Variants in AFG1L observed in about 807,000 individuals in gnomAD.
AFG1L encodes AFG1 like ATPase.
In AFG1L, 53 loss-of-function variants were observed where a neutral mutation model predicts 62.2. The observed-to-expected ratio is 0.85, with a 90% CI of 0.68 to 1.07. The LOEUF (loss-of-function observed/expected upper bound fraction) is 1.07. AFG1L is among the 50% of genes least tolerant of loss of function. The pLI is 0.00. For missense variants in AFG1L, 555 were observed against 590.5 expected, an observed-to-expected ratio of 0.94 and a Z score of 0.62; for synonymous variants, 228 against 210.3, an observed-to-expected ratio of 1.08 and a Z score of -0.73.
chr6:108,449,084 G>T (rs1299322431), intron 8 of AFG1L, among the ~76,000 whole-genome samples: 1 of 151,638 alleles, frequency 6.6e-6, no homozygotes, highest in Non-Finnish European at 1.5e-5. Context: ...GGAGGTGGAG[G>T]CTGCAGTAAG....
At chr6:108,358,697 A>G (rs1446147586) in intron 5 of AFG1L, among the ~76,000 whole-genome samples, 1 of 152,000 alleles carries the variant, frequency 6.6e-6, no homozygotes, top group Non-Finnish European at 1.5e-5. Context: ...ATGCCCAGCT[A>G]ATTTTTTTGT....
intron 3 of AFG1L, among the ~76,000 whole-genome samples, chr6:108,351,900 A>G (rs1435508503): frequency 6.6e-6 from 1 of 152,224 alleles, no homozygotes; most frequent in Non-Finnish European, 1.5e-5. Context: ...GTCTTTTACC[A>G]ATAAGCATAT....
intron 10 of AFG1L, among the ~76,000 whole-genome samples, chr6:108,497,982 A>G (rs564766588): frequency 6.6e-6 from 1 of 152,176 alleles, no homozygotes; most frequent in African/African-American, 2.4e-5. Flanking sequence ...TTGGGTTCAT[A>G]TGTGCATCTG....
intron 1 of AFG1L, among the ~76,000 whole-genome samples, chr6:108,316,305 C>T (rs1452415017): frequency 4.9e-5 from 6 of 123,030 alleles, no homozygotes; most frequent in Admixed American, 9.5e-5. Flanking sequence ...GGCGTGAACC[C>T]GGGAGGCGGA....
At chr6:108,359,605 C>T (rs777951504) in intron 5 of AFG1L, 1 of 152,232 alleles carries the variant, frequency 6.6e-6, no homozygotes, top group African/African-American at 2.4e-5. Flanking sequence ...CTAAATGGAC[C>T]ATGCCTGGAC....
chr6:108,512,593 T>C (rs1313691567), intron 11 of AFG1L, among the ~76,000 whole-genome samples: 1 of 152,092 alleles, frequency 6.6e-6, no homozygotes, highest in East Asian at 1.9e-4. Flanking sequence ...GGATGGCTCA[T>C]AGTGGAGGAT....
intron 6 of AFG1L, among the ~76,000 whole-genome samples, chr6:108,383,980 T>C (rs535224295): frequency 6.8e-6 from 1 of 147,978 alleles, no homozygotes; most frequent in Admixed American, 6.9e-5. Context: ...TGTAAGGCCA[T>C]AGCCAAATGA....
chr6:108,516,833 T>C (rs576599684), intron 11 of AFG1L, among the ~76,000 whole-genome samples: 1 of 152,176 alleles, frequency 6.6e-6, no homozygotes, highest in Admixed American at 6.5e-5. Flanking sequence ...TGTGCAAAAA[T>C]GACAAGCATT....
At chr6:108,418,825 T>G (rs2114682323) in intron 7 of AFG1L, among the ~76,000 whole-genome samples, 1 of 152,336 alleles carries the variant, frequency 6.6e-6, no homozygotes, top group East Asian at 1.9e-4. Flanking sequence ...AAACATTATT[T>G]AAAATTAGTG....
chr6:108,476,399 T>C (rs564321254), intron 8 of AFG1L, among the ~76,000 whole-genome samples: 2 of 152,348 alleles, frequency 1.3e-5, no homozygotes, highest in South Asian at 4.1e-4. Context: ...GTAATTTAAT[T>C]CTGGAGGTTT....
At chr6:108,380,335 T>A (rs1780444686) in intron 6 of AFG1L, among the ~76,000 whole-genome samples, 1 of 152,086 alleles carries the variant, frequency 6.6e-6, no homozygotes, top group Non-Finnish European at 1.5e-5. Context: ...TCCAAATGCC[T>A]GGATTTCTGC....
At chr6:108,366,474 G>A in intron 6 of AFG1L, 142 bp downstream of exon 6, 1 of 486,724 alleles carries the variant, frequency 2.1e-6, no homozygotes, top group East Asian at 3.1e-5. Flanking sequence ...GGCTTAATCT[G>A]AAAAATCAGT....
intron 10 of AFG1L, among the ~76,000 whole-genome samples, chr6:108,481,875 G>A (rs1367808336): frequency 6.6e-6 from 1 of 152,086 alleles, no homozygotes; most frequent in Non-Finnish European, 1.5e-5. Flanking sequence ...ACAAACTATG[G>A]TTATTCAGAT....
intron 10 of AFG1L, among the ~76,000 whole-genome samples, chr6:108,489,907 G>C (rs752106954): frequency 1.3e-5 from 2 of 152,166 alleles, no homozygotes; most frequent in Non-Finnish European, 2.9e-5. Context: ...AACTGACATA[G>C]AAAAAGGAAG....
At chr6:108,330,573 G>C (rs904758366) in intron 2 of AFG1L, among the ~76,000 whole-genome samples, 1 of 152,082 alleles carries the variant, frequency 6.6e-6, no homozygotes, top group African/African-American at 2.4e-5. Context: ...TGACATTGTT[G>C]AAAGAAGAGT....
chr6:108,397,196 T>C (rs942847778), intron 6 of AFG1L, among the ~76,000 whole-genome samples: 1 of 151,388 alleles, frequency 6.6e-6, no homozygotes, highest in Admixed American at 6.6e-5. Context: ...GCCTGGCTAA[T>C]TTTTTTTTGC....
intron 11 of AFG1L, among the ~76,000 whole-genome samples, chr6:108,513,478 G>A (rs551198856): frequency 2.6e-5 from 4 of 152,322 alleles, no homozygotes; most frequent in African/African-American, 9.6e-5. Flanking sequence ...CCCGCGCATG[G>A]CTTGGAGGGT....
rs568981900 is a variant in AFG1L at position 108,382,188 on chromosome 6, C to T, written c.748+15856C>T. Among the ~76,000 whole-genome samples the T allele has an allele frequency of 1.1e-4, 16 of 151,882 alleles. No individual in the cohort carries two copies. In the South Asian group the frequency reaches 1.3e-3, roughly 12 times the overall value. ...GCTAATTTTGTATTTTTAGTAGAGA[C>T]GGGGTTTCTCCATGTTGGTCAAGCT... On this transcript the variant is annotated intron_variant, in intron 6 of 12. Coordinates refer to ENST00000368977, the MANE Select transcript of AFG1L (RefSeq NM_145315.5).
At chr6:108,326,136 C>A (rs1042675738) in intron 2 of AFG1L, among the ~76,000 whole-genome samples, 3 of 152,118 alleles carry the variant, frequency 2.0e-5, no homozygotes, top group Non-Finnish European at 4.4e-5. Context: ...GTAGCACAAT[C>A]ATAGCTCACT....
Sources: allele counts gnomAD v4.1 joint callset (sites outside exome capture counted in the v4.1 genomes callset), GRCh38; gene constraint gnomAD v4.1.1; transcripts MANE v1.5; gene names NCBI Gene and HGNC (gene_info 2026-07-23, HGNC 2026-07-21).